Variants in COL5A2 observed in about 807,000 individuals in gnomAD.
The protein encoded by COL5A2 is collagen type V alpha 2 chain.
Under a neutral mutation model 208.2 loss-of-function variants are expected in COL5A2, and 23 were observed. The ratio of observed to expected loss-of-function variants is 0.11; its 90% CI spans 0.08 to 0.16. The LOEUF is 0.16. Ranked by LOEUF, COL5A2 falls within the 10% of genes least tolerant of loss-of-function variation. COL5A2 has a pLI of 1.00. For missense variants in COL5A2, 1,590 were observed against 1,956.4 expected (o/e 0.81, Z 3.53); for synonymous variants, 625 against 628.5 (o/e 0.99, Z 0.08).
chr2:189,082,879 T>C (rs940041268), intron 12 of COL5A2, among the ~76,000 whole-genome samples: 1 of 152,224 alleles, frequency 6.6e-6, no homozygotes, highest in African/African-American at 2.4e-5. Flanking sequence ...CTCATGTCTC[T>C]GTCTGCATTT....
chr2:189,197,769 T>G (rs945699604), intron 1 of COL5A2, among the ~76,000 whole-genome samples: 1 of 151,954 alleles, frequency 6.6e-6, no homozygotes. Context: ...GTTTGATATC[T>G]CTAAGGAACA....
chr2:189,415,699 G>A, the COL5A2 span, among the ~76,000 whole-genome samples: 2 of 151,878 alleles, frequency 1.3e-5, no homozygotes, highest in African/African-American at 2.4e-5. Context: ...TTGCTCTGTC[G>A]CCCAGGCTGG....
the COL5A2 span, among the ~76,000 whole-genome samples, chr2:189,252,668 G>C: frequency 6.6e-6 from 1 of 152,014 alleles, no homozygotes; most frequent in Non-Finnish European, 1.5e-5. Context: ...AGTAAATGAC[G>C]AGTTAAGGGG....
chr2:189,318,634 A>T, the COL5A2 span, among the ~76,000 whole-genome samples: 1 of 152,220 alleles, frequency 6.6e-6, no homozygotes, highest in South Asian at 2.1e-4. Flanking sequence ...TATTTTGACA[A>T]AGCCATTTTG....
At position 189,054,144 on chromosome 2, in the gene COL5A2, C is replaced by T. The variant is rs767821578; in HGVS notation, c.2445+15G>A. ...TCATAATTTTGAGTGTACAAATTAA[C>T]AACTTGTGACTTACCTTTTCTCCAG... On this transcript the variant is annotated intron_variant, in intron 36 of 53. Coordinates refer to ENST00000374866, the MANE Select transcript of COL5A2 (RefSeq NM_000393.5). 1.9e-6 allele frequency: 3 copies of T among 1,611,374 alleles called. No individual in the cohort carries two copies. The highest frequency in any genetic ancestry group is 2.5e-6 in the Non-Finnish European group (3 of 1,177,502).
intron 1 of COL5A2, among the ~76,000 whole-genome samples, chr2:189,114,731 A>G (rs1054085665): frequency 6.6e-6 from 1 of 151,734 alleles, no homozygotes; most frequent in Non-Finnish European, 1.5e-5. Flanking sequence ...TAAAAATTAG[A>G]AAAAAATAGT....
chr2:189,166,877 C>G (rs1688474723), intron 1 of COL5A2, among the ~76,000 whole-genome samples: 1 of 152,140 alleles, frequency 6.6e-6, no homozygotes, highest in Admixed American at 6.5e-5. Context: ...GGCATCTGGA[C>G]TATATTAGCT....
the COL5A2 span, among the ~76,000 whole-genome samples, chr2:189,365,461 G>A: frequency 2.6e-5 from 4 of 152,154 alleles, no homozygotes; most frequent in Non-Finnish European, 2.9e-5. Flanking sequence ...CAACTTTACG[G>A]AGACACTTAA....
At chr2:189,318,913 C>T in the COL5A2 span, among the ~76,000 whole-genome samples, 1 of 152,110 alleles carries the variant, frequency 6.6e-6, no homozygotes, top group Non-Finnish European at 1.5e-5. Flanking sequence ...CAAATGGACA[C>T]CCTGCATCTG....
chr2:189,379,655 C>T, the COL5A2 span, among the ~76,000 whole-genome samples: 1 of 152,150 alleles, frequency 6.6e-6, no homozygotes, highest in Non-Finnish European at 1.5e-5. Flanking sequence ...GTCATTATCA[C>T]ACTATAAATA....
intron 16 of COL5A2, among the ~76,000 whole-genome samples, chr2:189,077,700 T>C (rs1291852046): frequency 6.6e-6 from 1 of 152,122 alleles, no homozygotes; most frequent in Admixed American, 6.5e-5. Flanking sequence ...GGTGAGAGGG[T>C]CTTACACTTT....
At position 189,075,522 on chromosome 2, in the gene COL5A2, T is replaced by G; in HGVS notation, c.1060-85A>C. 2.9e-6 allele frequency: 3 copies of G among 1,031,980 alleles called. No homozygotes were observed. The South Asian group carries it at 4.0e-5, about 14-fold the overall frequency. 63.9% of individuals were successfully genotyped at this position (1,031,980 alleles called of 1,614,324 possible). On this transcript the variant is annotated intron_variant, in intron 16 of 53. Transcript: ENST00000374866. ...TTATTTGCCTTATAAAAAATTTCCA[T>G]ATTGCAAATTGAAGAATAAATATTA...
In COL5A2 at chr2:189,110,367, C is replaced by T. The variant is rs759303686; in HGVS notation, c.180G>A (p.Gln60=). ...TGGCTCCATTGTCACAGACACAGAT[C>T]TGACAAGGGGCAGGTTTCCAAATGT... ...NRDIWKPAPC[Q]ICVCDNGAIL... The change falls in exon 2 of 54, where the codon CAG becomes CAA. Residue 60 remains glutamine (Q), a synonymous_variant. Transcript: ENST00000374866. 18 of 1,614,166 alleles carry T rather than the reference C, an allele frequency of 1.1e-5. No individual in the cohort carries two copies. The highest frequency in any genetic ancestry group is 1.5e-5 in the Non-Finnish European group (18 of 1,180,004).
the COL5A2 span, among the ~76,000 whole-genome samples, chr2:189,436,546 C>T: frequency 1.3e-5 from 2 of 152,092 alleles, no homozygotes; most frequent in African/African-American, 2.4e-5. Context: ...AAGATACATG[C>T]ATGTATATGT....
the COL5A2 span, among the ~76,000 whole-genome samples, chr2:189,326,398 CAAG>C: frequency 6.6e-6 from 1 of 151,958 alleles, no homozygotes; most frequent in Non-Finnish European, 1.5e-5. Context: ...GATATTTAGA[CAAG>C]AAGGTTATTT....
At chr2:189,092,469 T>A in intron 6 of COL5A2, 49 bp from the exon 7 acceptor site, 1 of 1,140,516 alleles carries the variant, frequency 8.8e-7, no homozygotes, top group Non-Finnish European at 1.3e-6. Flanking sequence ...AATATACACT[T>A]AGTAGAAAGC....
upstream of COL5A2, among the ~76,000 whole-genome samples, chr2:189,184,102 A>G (rs1360430946): frequency 6.6e-6 from 1 of 152,200 alleles, no homozygotes; most frequent in Non-Finnish European, 1.5e-5. Flanking sequence ...ATAAACAAGT[A>G]GGCAAATATA....
intron 1 of COL5A2, among the ~76,000 whole-genome samples, chr2:189,157,124 C>CTATATATAGATATAGATATATCGATA (rs112157584): frequency 1.2e-5 from 1 of 85,902 alleles, no homozygotes; most frequent in African/African-American, 3.4e-5. Context: ...ATCGATATAT[C>CTATATATAGATATAGATATATCGATA]TATCTATATA....
chr2:189,187,032 C>G (rs1159961921), intron 1 of COL5A2, among the ~76,000 whole-genome samples: 1 of 152,108 alleles, frequency 6.6e-6, no homozygotes, highest in Admixed American at 6.5e-5. Flanking sequence ...ATTGTGCTGT[C>G]TCCTAAGGCA....
Sources: gnomAD v4.1 joint callset for allele counts (sites outside exome capture counted in the v4.1 genomes callset) on GRCh38, gnomAD v4.1.1 for gene constraint, MANE v1.5 for transcripts, NCBI Gene and HGNC (gene_info 2026-07-23, HGNC 2026-07-21) for gene names.